Variants in ADAM23 observed in about 807,000 individuals in gnomAD.
ADAM23 encodes the protein disintegrin and metalloproteinase domain-containing protein 23.
In ADAM23, 33 loss-of-function variants were observed where a neutral mutation model predicts 120.1. The ratio of observed to expected loss-of-function variants is 0.27; its 90% CI spans 0.21 to 0.37. ADAM23 has a LOEUF of 0.37. Ranked by LOEUF, ADAM23 falls within the 10% of genes least tolerant of loss-of-function variation. The pLI is 1.00. For synonymous variants in ADAM23, 367 were observed against 375.2 expected, an observed-to-expected ratio of 0.98 and a Z score of 0.25; for missense variants, 862 against 1,058.2, an observed-to-expected ratio of 0.81 and a Z score of 2.57.
rs745329003 is a variant in ADAM23, at chr2:206,570,826, CCTT to C, written c.1566+18_1566+20del. 1.2e-5 allele frequency: 20 copies of C among 1,604,170 alleles called. No individual in the cohort carries two copies. The highest frequency in any genetic ancestry group is 1.5e-5 in the Non-Finnish European group (18 of 1,171,238). ...GTTTTCATGTGGTAGGTATAAGAAACCTTCTATACTTACAGCACAGATCTTACT... is the reference window on the plus strand; with the variant it reads ...GTTTTCATGTGGTAGGTATAAGAAACCTATACTTACAGCACAGATCTTACT... On this transcript the variant is annotated intron_variant, in intron 16 of 25. Transcript: ENST00000264377.
At chr2:206,449,997 G>T (rs936016886) in intron 2 of ADAM23, among the ~76,000 whole-genome samples, 26 of 152,084 alleles carry the variant, frequency 1.7e-4, no homozygotes, top group Non-Finnish European at 3.2e-4. Flanking sequence ...TTTAGATCTT[G>T]GTGATTATTT....
At chr2:206,537,815 A>G (rs1697210083) in intron 4 of ADAM23, among the ~76,000 whole-genome samples, 2 of 152,178 alleles carry the variant, frequency 1.3e-5, no homozygotes, top group South Asian at 4.1e-4. Flanking sequence ...CAGTTTTTTA[A>G]AAAGTTTCTT....
chr2:206,538,486 T>G, intron 4 of ADAM23, among the ~76,000 whole-genome samples: 1 of 152,316 alleles, frequency 6.6e-6, no homozygotes. Flanking sequence ...AGAACCTAGA[T>G]ATCATAATAT....
At chr2:206,599,650 A>T (rs1354398239) in intron 24 of ADAM23, among the ~76,000 whole-genome samples, 1 of 152,242 alleles carries the variant, frequency 6.6e-6, no homozygotes, top group East Asian at 1.9e-4. Context: ...GTTAGCAAAT[A>T]TTTATTGACT....
intron 3 of ADAM23, among the ~76,000 whole-genome samples, chr2:206,520,923 T>A (rs549128201): frequency 1.3e-5 from 2 of 152,206 alleles, no homozygotes; most frequent in East Asian, 3.9e-4. Context: ...CCAGCTCAAC[T>A]GGACTTTTAG....
intron 24 of ADAM23, chr2:206,607,302 T>A (rs1698747134): frequency 6.6e-6 from 1 of 152,232 alleles, no homozygotes; most frequent in Non-Finnish European, 1.5e-5. Flanking sequence ...CCTGTAAAAT[T>A]TCCCCTTGGA....
chr2:206,617,670 T>A lies in ADAM23; in HGVS notation c.*43T>A. On this transcript the variant is annotated 3_prime_UTR_variant, in exon 26 of 26. Transcript: ENST00000264377. ...GACACCGCCTTGCACTGTTGGATTCTGGGTATGACATACTCGCAGCAGTGT... is the reference window on the plus strand; with the variant it reads ...GACACCGCCTTGCACTGTTGGATTCAGGGTATGACATACTCGCAGCAGTGT... 6.2e-7 allele frequency: 1 copy of A among 1,611,450 alleles called. No homozygotes were observed. Among genetic ancestry groups the A allele is most frequent in the South Asian group, 1.1e-5 (1 of 90,286 alleles).
At position 206,562,296 on chromosome 2, in the gene ADAM23, A is replaced by G. The variant is rs766554240; in HGVS notation, c.1345+3A>G. The G allele has an allele frequency of 6.2e-7, 1 of 1,611,730 alleles. No individual in the cohort carries two copies. Among genetic ancestry groups the G allele is most frequent in the Admixed American group, 1.7e-5 (1 of 59,988 alleles). On this transcript the variant is annotated splice_donor_region_variant and intron_variant, in intron 13 of 25. Coordinates refer to ENST00000264377, the MANE Select transcript of ADAM23 (RefSeq NM_003812.4). ...GGAACCTTCTAGCAGAAAGCCAAGT[A>G]TGTACACTGACCTTCTTACTCATTT... is the stretch of plus-strand genomic sequence containing the variant.
intron 14 of ADAM23, among the ~76,000 whole-genome samples, chr2:206,565,608 C>T (rs1170493166): frequency 2.6e-5 from 4 of 152,212 alleles, no homozygotes; most frequent in African/African-American, 9.7e-5. Context: ...GGAACTAGAG[C>T]AGCTTCCCCA....
At chr2:206,612,396 A>C (rs1054301826) in intron 25 of ADAM23, among the ~76,000 whole-genome samples, 1 of 152,236 alleles carries the variant, frequency 6.6e-6, no homozygotes, top group South Asian at 2.1e-4. Context: ...GTAAATGTTT[A>C]AAAAGAAATT....
intron 3 of ADAM23, among the ~76,000 whole-genome samples, chr2:206,518,657 T>C (rs1360819684): frequency 6.6e-6 from 1 of 152,218 alleles, no homozygotes; most frequent in African/African-American, 2.4e-5. Flanking sequence ...AGCTCTCAGA[T>C]GAATTTCTAT....
intron 2 of ADAM23, among the ~76,000 whole-genome samples, chr2:206,464,331 T>C (rs1695493411): frequency 6.6e-6 from 1 of 152,018 alleles, no homozygotes; most frequent in South Asian, 2.1e-4. Flanking sequence ...TCCCAGCACT[T>C]TGGGAGGGCG....
intron 9 of ADAM23, among the ~76,000 whole-genome samples, chr2:206,555,148 C>T (rs570929746): frequency 3.9e-5 from 6 of 152,110 alleles, no homozygotes; most frequent in Non-Finnish European, 7.4e-5. Context: ...TTAGCTCTAG[C>T]CCCTTAAGTT....
intron 13 of ADAM23, among the ~76,000 whole-genome samples, chr2:206,563,450 C>T (rs1404610458): frequency 3.3e-5 from 5 of 152,162 alleles, no homozygotes; most frequent in Non-Finnish European, 5.9e-5. Context: ...CACAAACCTC[C>T]GCAAACTTCC....
intron 3 of ADAM23, among the ~76,000 whole-genome samples, chr2:206,520,066 T>C (rs1418238618): frequency 6.6e-6 from 1 of 152,096 alleles, no homozygotes; most frequent in Non-Finnish European, 1.5e-5. Flanking sequence ...AAGATTCCTG[T>C]GTTATATGTA....
chr2:206,502,951 G>T (rs987801334), intron 3 of ADAM23, among the ~76,000 whole-genome samples: 1 of 152,086 alleles, frequency 6.6e-6, no homozygotes, highest in Non-Finnish European at 1.5e-5. Flanking sequence ...TAGATTCCCC[G>T]TGGCTCTCCA....
intron 24 of ADAM23, among the ~76,000 whole-genome samples, chr2:206,597,066 A>G (rs1362689074): frequency 1.3e-5 from 2 of 150,938 alleles, no homozygotes; most frequent in Non-Finnish European, 2.9e-5. Flanking sequence ...AGGTGTCACT[A>G]TGTTGTCCAG....
intron 10 of ADAM23, 58 bp downstream of exon 10, chr2:206,557,556 T>C: frequency 7.0e-7 from 1 of 1,426,446 alleles, no homozygotes; most frequent in South Asian, 1.1e-5. Flanking sequence ...TATCTCTATT[T>C]GCTTACTTGT....
chr2:206,592,756 A>G lies in ADAM23; in HGVS notation c.2078+20A>G. On this transcript the variant is annotated intron_variant, in intron 22 of 25. Coordinates refer to ENST00000264377, the MANE Select transcript of ADAM23 (RefSeq NM_003812.4). ...CTGCAGGTAACATATTAAATATTAGAAGACCTAATAAGCCATGAGAATTAC... is the reference window on the plus strand; with the variant it reads ...CTGCAGGTAACATATTAAATATTAGGAGACCTAATAAGCCATGAGAATTAC... The G allele has an allele frequency of 6.2e-7, 1 of 1,609,694 alleles. No homozygotes were observed. Among genetic ancestry groups the G allele is most frequent in the Non-Finnish European group, 8.5e-7 (1 of 1,177,640 alleles).
Sources: allele counts gnomAD v4.1 joint callset (sites outside exome capture counted in the v4.1 genomes callset), GRCh38; gene constraint gnomAD v4.1.1; transcripts MANE v1.5; gene names NCBI Gene and HGNC (gene_info 2026-07-23, HGNC 2026-07-21).